The following CHMP3 variants were observed in gnomAD, a reference collection of about 807,000 sequenced individuals.
CHMP3 encodes 25.1 protein.
A neutral mutation model predicts 27.4 loss-of-function variants in CHMP3; 8 were observed. The ratio of observed to expected loss-of-function variants is 0.29; its 90% CI spans 0.17 to 0.53. CHMP3 has a LOEUF of 0.53. Among genes scored for constraint, CHMP3 ranks in the 20% least tolerant of loss-of-function variants. The pLI is 0.96. For synonymous variants in CHMP3, 86 were observed against 85.5 expected (o/e 1.01, Z -0.03); for missense variants, 208 against 271.5 (o/e 0.77, Z 1.64).
At chr2:86,549,611 A>G (rs1433273187) in intron 1 of CHMP3, among the ~76,000 whole-genome samples, 1 of 101,764 alleles carries the variant, frequency 9.8e-6, no homozygotes, top group Non-Finnish European at 2.0e-5. Flanking sequence ...GTCGGCCGGG[A>G]AGAGGCACTC....
chr2:86,523,620 G>A (rs1675598283), intron 3 of CHMP3, among the ~76,000 whole-genome samples: 1 of 151,852 alleles, frequency 6.6e-6, no homozygotes, highest in East Asian at 1.9e-4. Flanking sequence ...AAAAGACGAG[G>A]GAGGGCAGGT....
At position 86,505,583 on chromosome 2, in the gene CHMP3, A is replaced by G. The variant is rs1674858370; in HGVS notation, c.*221T>C. 1 of 475,012 alleles carries G rather than the reference A, an allele frequency of 2.1e-6. No individual in the cohort carries two copies. The highest frequency in any genetic ancestry group is 3.4e-6 in the Non-Finnish European group (1 of 298,208). 29.4% of individuals were successfully genotyped at this position (475,012 alleles called of 1,614,324 possible). A position where few individuals can be genotyped will look rare whatever the true frequency, so the allele number is the denominator to read the frequency against. On this transcript the variant is annotated 3_prime_UTR_variant, in exon 6 of 6. Coordinates refer to ENST00000263856, the MANE Select transcript of CHMP3 (RefSeq NM_016079.4). ...GATGGATTTCTTTCCCCTCCCCACAATAAGATATATCTGTCTATACTCCTA... is the reference window on the plus strand; with the variant it reads ...GATGGATTTCTTTCCCCTCCCCACAGTAAGATATATCTGTCTATACTCCTA...
At chr2:86,555,998 T>C (rs1346232990) in intron 1 of CHMP3, among the ~76,000 whole-genome samples, 2 of 152,148 alleles carry the variant, frequency 1.3e-5, no homozygotes, top group African/African-American at 4.8e-5. Context: ...ACTTAAAATA[T>C]TAAAGATTTT....
intron 5 of CHMP3, 95 bp from the exon 6 acceptor site, chr2:86,506,044 TA>T: frequency 7.4e-7 from 1 of 1,355,494 alleles, no homozygotes; most frequent in Non-Finnish European, 9.6e-7. Context: ...TCTGACCAGA[TA>T]CAAAAATGAG....
At position 86,523,262 on chromosome 2, in the gene CHMP3, C is replaced by T. The variant is rs182130892; in HGVS notation, c.286+5956G>A. On this transcript the variant is annotated intron_variant, in intron 3 of 5. Coordinates refer to ENST00000263856, the MANE Select transcript of CHMP3 (RefSeq NM_016079.4). ...ATGCTAGCCATCCAAGTTGGCACAC[C>T]ACTTCCCACACCCCCACAAACTTAA... is the stretch of plus-strand genomic sequence containing the variant. Among the ~76,000 whole-genome samples the T allele has an allele frequency of 3.0e-3, 464 of 152,270 alleles. 1 individual carries two copies. Among genetic ancestry groups the T allele is most frequent in the Non-Finnish European group, 5.3e-3 (360 of 68,014 alleles).
chr2:86,546,627 G>A (rs1408866758), intron 1 of CHMP3, among the ~76,000 whole-genome samples: 1 of 151,736 alleles, frequency 6.6e-6, no homozygotes, highest in Non-Finnish European at 1.5e-5. Context: ...CAGTAGAGAC[G>A]GGATTTCACC....
intron 1 of CHMP3, among the ~76,000 whole-genome samples, chr2:86,550,660 T>C (rs1287092054): frequency 6.6e-6 from 1 of 152,160 alleles, no homozygotes; most frequent in African/African-American, 2.4e-5. Context: ...AGAATGGAAT[T>C]CTCAATATTG....
Position 86,505,622 on chromosome 2 carries a change from T to A in CHMP3, c.*182A>T. On this transcript the variant is annotated 3_prime_UTR_variant, in exon 6 of 6. Transcript: ENST00000263856. ...TCTATACTCCTAAAAATGATGCATT[T>A]ATTTATGCCACTTTTATAAGAACAA... The A allele has an allele frequency of 1.3e-6, 1 of 792,240 alleles. No homozygotes were observed. The highest frequency in any genetic ancestry group is 1.8e-6 in the Non-Finnish European group (1 of 559,656). 49.1% of individuals were successfully genotyped at this position (792,240 alleles called of 1,614,324 possible). A position where few individuals can be genotyped will look rare whatever the true frequency, so the allele number is the denominator to read the frequency against.
intron 4 of CHMP3, 61 bp downstream of exon 4, chr2:86,510,297 T>C (rs1238899279): frequency 1.7e-4 from 155 of 893,342 alleles, no homozygotes; most frequent in East Asian, 5.0e-4. Flanking sequence ...CCTAGCCCCC[T>C]GTTACTTGTT....
intron 1 of CHMP3, among the ~76,000 whole-genome samples, chr2:86,547,489 A>G (rs543354360): frequency 1.3e-5 from 2 of 152,362 alleles, no homozygotes; most frequent in East Asian, 3.9e-4. Context: ...GTATCCAGTC[A>G]TGTCTCCGAC....
intron 1 of CHMP3, chr2:86,562,104 G>A (rs1677393798): frequency 6.6e-6 from 1 of 152,168 alleles, no homozygotes; most frequent in Non-Finnish European, 1.5e-5. Flanking sequence ...AACTGAGTAA[G>A]TTTCCTGACG....
At chr2:86,548,172 G>A (rs1676686692) in intron 1 of CHMP3, among the ~76,000 whole-genome samples, 1 of 147,256 alleles carries the variant, frequency 6.8e-6, no homozygotes, top group African/African-American at 2.6e-5. Context: ...GTTAGAGGAG[G>A]AGTTCTCTTT....
chr2:86,542,461 C>CT lies in CHMP3; in HGVS notation c.46-150dup, dbSNP rs1208283077. On this transcript the variant is annotated intron_variant, in intron 1 of 5. Transcript: ENST00000263856. Reference sequence around the variant, plus strand: ...GACAGAGCTTTAGGGTCAAATTTTACTTTTTTTTAATTTCACCTCTTTTTA... The same window carrying CT: ...GACAGAGCTTTAGGGTCAAATTTTACTTTTTTTTTAATTTCACCTCTTTTTA... 1.1e-4 allele frequency: 85 copies of CT among 753,368 alleles called. No homozygotes were observed. In the East Asian group the frequency reaches 1.5e-3, roughly 13 times the overall value. 46.7% of individuals were successfully genotyped at this position (753,368 alleles called of 1,614,324 possible). A position where few individuals can be genotyped will look rare whatever the true frequency, so the allele number is the denominator to read the frequency against.
chr2:86,560,006 C>T (rs1283717161), intron 1 of CHMP3, among the ~76,000 whole-genome samples: 1 of 152,160 alleles, frequency 6.6e-6, no homozygotes, highest in African/African-American at 2.4e-5. Flanking sequence ...GTGGCTTACA[C>T]CTGTAATCCC....
At chr2:86,532,844 GT>G (rs1484608222) in intron 2 of CHMP3, among the ~76,000 whole-genome samples, 1 of 152,154 alleles carries the variant, frequency 6.6e-6, no homozygotes. Context: ...CTAGTATTCT[GT>G]TGAAGATTTT....
intron 1 of CHMP3, among the ~76,000 whole-genome samples, chr2:86,551,992 G>A (rs1676923010): frequency 6.6e-6 from 1 of 152,244 alleles, no homozygotes; most frequent in Non-Finnish European, 1.5e-5. Context: ...GCATCTTGGA[G>A]AAATGGCCGA....
intron 3 of CHMP3, among the ~76,000 whole-genome samples, chr2:86,526,213 G>A (rs1037676972): frequency 6.6e-6 from 1 of 152,192 alleles, no homozygotes; most frequent in African/African-American, 2.4e-5. Flanking sequence ...GTTTTTGCAT[G>A]CAGACTAATG....
Position 86,507,493 on chromosome 2 carries a change from A to G in CHMP3, c.509T>C (p.Phe170Ser). Reference protein sequence around the residue: ...EAEMEIDRILFEITAGALGKA... With the variant: ...EAEMEIDRILSEITAGALGKA... ...CACGGTCATACCTGCTGTAATTTCAAAGAGAATTCTGTCAATTTCCATTTC... is the reference window on the plus strand; with the variant it reads ...CACGGTCATACCTGCTGTAATTTCAGAGAGAATTCTGTCAATTTCCATTTC... The change falls in exon 5 of 6, where the codon TTT becomes TCT. Residue 170 changes from phenylalanine (F) to serine (S), a missense_variant. Physicochemically the swap from Phe to Ser is radical, Grantham distance 155 (BLOSUM62 -2). Coordinates refer to ENST00000263856, the MANE Select transcript of CHMP3 (RefSeq NM_016079.4). 1.2e-6 allele frequency: 2 copies of G among 1,614,130 alleles called. No individual in the cohort carries two copies. Among genetic ancestry groups the G allele is most frequent in the South Asian group, 2.2e-5 (2 of 91,078 alleles).
At chr2:86,549,636 G>A (rs1245930289) in intron 1 of CHMP3, among the ~76,000 whole-genome samples, 43 of 148,468 alleles carry the variant, frequency 2.9e-4, no homozygotes, top group South Asian at 4.3e-4. Flanking sequence ...CCTCCCAGAC[G>A]GGGCGGCCGG....
Sources: allele counts gnomAD v4.1 joint callset (sites outside exome capture counted in the v4.1 genomes callset), GRCh38; gene constraint gnomAD v4.1.1; transcripts MANE v1.5; gene names NCBI Gene and HGNC (gene_info 2026-07-23, HGNC 2026-07-21).